RERGL: variants seen among roughly 807,000 people sequenced by gnomAD.
RERGL encodes the protein RERG like, also known as ras-related and estrogen-regulated growth inhibitor-like protein.
Under a neutral mutation model 24.7 loss-of-function variants are expected in RERGL, and 22 were observed. The ratio of observed to expected loss-of-function variants is 0.89; its 90% CI spans 0.64 to 1.27. RERGL has a LOEUF of 1.27. RERGL is among the 50% of genes most tolerant of loss of function. The probability of loss-of-function intolerance (pLI) is 0.00; values close to 1 mark genes in which losing one functional copy is unlikely to be tolerated. For synonymous variants in RERGL, 76 were observed against 82.6 expected, an observed-to-expected ratio of 0.92 and a Z score of 0.43; for missense variants, 259 against 235.3, an observed-to-expected ratio of 1.10 and a Z score of -0.66.
At position 18,089,356 on chromosome 12, in the gene RERGL, G is replaced by C. The variant is rs112352441; in HGVS notation, c.53-400C>G. The C allele has an allele frequency of 6.9e-6, 10 of 1,442,314 alleles. No individual in the cohort carries two copies. The African/African-American group carries it at 1.2e-4, about 17-fold the overall frequency. The allele number at this position is 1,442,314 out of a possible 1,614,324, so 89.3% of individuals were successfully genotyped here. On this transcript the variant is annotated intron_variant, in intron 1 of 4. Coordinates refer to ENST00000538724, the MANE Select transcript of RERGL (RefSeq NM_001286201.2). ...GTAATAGTCACAAAGACACTACCAA[G>C]TATTTGCAGTTATTTAAGGATGTAG...
chr12:18,081,694 T>C (rs1947175068), intron 4 of RERGL, among the ~76,000 whole-genome samples: 1 of 152,158 alleles, frequency 6.6e-6, no homozygotes, highest in African/African-American at 2.4e-5. Flanking sequence ...GCAACAAGTC[T>C]CTTAAAGCAC....
At chr12:18,089,041 AAC>A in intron 1 of RERGL, 85 bp from the exon 2 acceptor site, 1 of 1,231,786 alleles carries the variant, frequency 8.1e-7, no homozygotes, top group African/African-American at 1.5e-5. Context: ...TTAGTTCTTA[AAC>A]CAAAAATATT....
At chr12:18,081,950 C>T (rs186588817) in intron 4 of RERGL, among the ~76,000 whole-genome samples, 65 of 152,188 alleles carry the variant, frequency 4.3e-4, no homozygotes, top group Admixed American at 4.2e-3. Context: ...ACCATCCTGG[C>T]TAACACGGTG....
intron 2 of RERGL, among the ~76,000 whole-genome samples, chr12:18,086,613 T>G (rs1459482363): frequency 1.3e-5 from 2 of 152,070 alleles, no homozygotes; most frequent in African/African-American, 4.8e-5. Context: ...TGTTGCTCCG[T>G]CTTAATCTTT....
chr12:18,085,619 C>A lies in RERGL; in HGVS notation c.183+1G>T. ...TAAAAAAGGTGTTTTGTTTTACTTA[C>A]TTGAGAACAAGGGTCATATATTTCT... On this transcript the variant is annotated splice_donor_variant, in intron 3 of 4. Coordinates refer to ENST00000538724, the MANE Select transcript of RERGL (RefSeq NM_001286201.2). LOFTEE classifies it high-confidence loss of function. 1.3e-6 allele frequency: 2 copies of A among 1,542,170 alleles called. No individual in the cohort carries two copies. The highest frequency in any genetic ancestry group is 1.8e-6 in the Non-Finnish European group (2 of 1,124,946).
At chr12:18,089,211 A>G in intron 1 of RERGL, 1 of 1,600,522 alleles carries the variant, frequency 6.2e-7, no homozygotes, top group South Asian at 1.1e-5. Context: ...ATTACCACAA[A>G]AACATAAGGC....
At chr12:18,085,099 T>G (rs1947207356) in intron 3 of RERGL, among the ~76,000 whole-genome samples, 1 of 152,154 alleles carries the variant, frequency 6.6e-6, no homozygotes, top group Non-Finnish European at 1.5e-5. Context: ...TAAGATACAT[T>G]TTGATTTACC....
At position 18,089,659 on chromosome 12, in the gene RERGL, A is replaced by G. The variant is rs535459081; in HGVS notation, c.52+430T>C. Among the ~76,000 whole-genome samples the G allele has an allele frequency of 4.6e-5, 7 of 152,226 alleles. No homozygotes were observed. The South Asian group carries it at 8.3e-4, about 18-fold the overall frequency. ...ATCTTAGTAATGCTACATTTAAAATACAATCCACAAACCTCCAAACATCTC... is the reference window on the plus strand; with the variant it reads ...ATCTTAGTAATGCTACATTTAAAATGCAATCCACAAACCTCCAAACATCTC... On this transcript the variant is annotated intron_variant, in intron 1 of 4. Transcript: ENST00000538724.
In RERGL at chr12:18,089,127, A is replaced by C. The variant is rs561908347; in HGVS notation, c.53-171T>G. ...GTAGTTAACAATATTTCCATGGTAC[A>C]AACAAATGATTAGAAAGTTAGAAAG... is the stretch of plus-strand genomic sequence containing the variant. On this transcript the variant is annotated intron_variant, in intron 1 of 4. Transcript: ENST00000538724. The C allele has an allele frequency of 5.7e-5, 68 of 1,184,812 alleles. 1 individual carries two copies. The highest frequency in any genetic ancestry group is 3.5e-4 in the Admixed American group (15 of 43,314). The allele number at this position is 1,184,812 out of a possible 1,614,324, so 73.4% of individuals were successfully genotyped here.
At chr12:18,088,805 T>C (rs183733551) in intron 2 of RERGL, 95 bp downstream of exon 2, 2 of 812,366 alleles carry the variant, frequency 2.5e-6, no homozygotes, top group East Asian at 4.9e-5. Context: ...TGCATAAAAA[T>C]GGTATAGTCT....
chr12:18,088,983 G>A (rs1182730536), intron 1 of RERGL, 27 bp from the exon 2 acceptor site: 6 of 1,578,464 alleles, frequency 3.8e-6, no homozygotes, highest in African/African-American at 2.7e-5. Context: ...CTAGATTTAG[G>A]GCTGTTATAT....
At chr12:18,087,741 G>T (rs76352488) in intron 2 of RERGL, among the ~76,000 whole-genome samples, 1 of 152,020 alleles carries the variant, frequency 6.6e-6, no homozygotes, top group African/African-American at 2.4e-5. Context: ...ATAGCATATC[G>T]TTCTGTGTTT....
Position 18,085,537 on chromosome 12 carries a change from A to G in RERGL, c.183+83T>C, listed in dbSNP as rs1480009314. 9.0e-6 allele frequency: 8 copies of G among 889,362 alleles called. No individual in the cohort carries two copies. The Admixed American group carries it at 2.1e-4, about 24-fold the overall frequency. The allele number at this position is 889,362 out of a possible 1,614,324, so 55.1% of individuals were successfully genotyped here. A position where few individuals can be genotyped will look rare whatever the true frequency, so the allele number is the denominator to read the frequency against. ...CCGCAACTTTTCACTTTTTTCACTT[A>G]CCCCCATATAATCTTCAAATCATAA... On this transcript the variant is annotated intron_variant, in intron 3 of 4. Transcript: ENST00000538724.
chr12:18,081,402 TC>T lies in RERGL; in HGVS notation c.403del (p.Glu135LysfsTer28). 1 of 1,614,006 alleles carries T rather than the reference TC, an allele frequency of 6.2e-7. No individual in the cohort carries two copies. Among genetic ancestry groups the T allele is most frequent in the South Asian group, 1.1e-5 (1 of 91,072 alleles). The part of the protein sequence containing the change: ...DLCHVREVGW[E>X]EGQKLALENR... ...TTCCAGTGCCAGCTTTTGCCCTTCTTCCCAGCCAACCTCTCGCACATGACAA... is the reference window on the plus strand; with the variant it reads ...TTCCAGTGCCAGCTTTTGCCCTTCTTCCAGCCAACCTCTCGCACATGACAA... On this transcript the variant is annotated frameshift_variant, in exon 5 of 5. Coordinates refer to ENST00000538724, the MANE Select transcript of RERGL (RefSeq NM_001286201.2). LOFTEE classifies it high-confidence loss of function.
intron 4 of RERGL, 49 bp from the exon 5 acceptor site, chr12:18,081,522 T>A: frequency 1.5e-6 from 2 of 1,344,358 alleles, no homozygotes; most frequent in South Asian, 1.7e-5. Flanking sequence ...AACAACTCTT[T>A]TTTTTAAAAA....
chr12:18,086,410 A>G (rs1477650253), intron 2 of RERGL, among the ~76,000 whole-genome samples: 1 of 152,076 alleles, frequency 6.6e-6, no homozygotes. Context: ...ACAATTAGCA[A>G]CATCTTACAA....
chr12:18,082,586 C>A (rs1234221925), intron 4 of RERGL, among the ~76,000 whole-genome samples: 1 of 152,120 alleles, frequency 6.6e-6, no homozygotes, highest in Non-Finnish European at 1.5e-5. Context: ...CATAAAAATA[C>A]CTAACACAGG....
chr12:18,085,475 T>C (rs75098127), intron 3 of RERGL, 145 bp downstream of exon 3: 36 of 600,820 alleles, frequency 6.0e-5, no homozygotes, highest in African/African-American at 5.2e-4. Flanking sequence ...TCTTAAATTT[T>C]TGATAATTAA....
chr12:18,081,972 C>G (rs967859760), intron 4 of RERGL, among the ~76,000 whole-genome samples: 3 of 151,976 alleles, frequency 2.0e-5, no homozygotes, highest in African/African-American at 7.3e-5. Context: ...AACTTCATCT[C>G]TACTAAAAGT....
Sources: gnomAD v4.1 joint callset for allele counts (sites outside exome capture counted in the v4.1 genomes callset) on GRCh38, gnomAD v4.1.1 for gene constraint, MANE v1.5 for transcripts, NCBI Gene and HGNC (gene_info 2026-07-23, HGNC 2026-07-21) for gene names.